The following BRF1 variants were observed in gnomAD, a reference collection of about 807,000 sequenced individuals.
The protein encoded by BRF1 is transcription factor IIIB 90 kDa subunit.
A neutral mutation model predicts 81.7 loss-of-function variants in BRF1; 59 were observed. That is an observed-to-expected ratio of 0.72 (90% CI 0.59 to 0.90). The LOEUF (loss-of-function observed/expected upper bound fraction) is 0.90. Among genes scored for constraint, BRF1 ranks in the 40% least tolerant of loss-of-function variants. BRF1 has a pLI of 0.00. For synonymous variants in BRF1, 491 were observed against 395.6 expected (o/e 1.24, Z -2.86); for missense variants, 1,050 against 936.3 (o/e 1.12, Z -1.58).
At chr14:105,250,581 A>G in intron 5 of BRF1, 1 of 1,614,094 alleles carries the variant, frequency 6.2e-7, no homozygotes, top group Non-Finnish European at 8.5e-7. Context: ...CAGTGTGGAA[A>G]GGTGGCCTTC....
intron 1 of BRF1, among the ~76,000 whole-genome samples, chr14:105,313,048 AG>A (rs2058390038): frequency 6.6e-6 from 1 of 152,116 alleles, no homozygotes; most frequent in Admixed American, 6.5e-5. Context: ...GGCACAGAGG[AG>A]GGGCACCGCT....
At chr14:105,227,575 A>T (rs1490754930) in intron 7 of BRF1, 1 of 152,300 alleles carries the variant, frequency 6.6e-6, no homozygotes, top group Non-Finnish European at 1.5e-5. Flanking sequence ...ACCTCTGCTC[A>T]CTAGGAGAAA....
intron 5 of BRF1, chr14:105,248,819 G>A: frequency 2.0e-6 from 2 of 986,426 alleles, no homozygotes; most frequent in African/African-American, 3.5e-5. Flanking sequence ...CGAGGGCGCG[G>A]GGCGCGGCGT....
At chr14:105,227,569 C>T (rs1472641045) in intron 7 of BRF1, 1 of 152,378 alleles carries the variant, frequency 6.6e-6, no homozygotes, top group African/African-American at 2.4e-5. Context: ...GCCCGGACCT[C>T]TGCTCACTAG....
chr14:105,246,362 T>C lies in BRF1; in HGVS notation c.545-4948A>G, dbSNP rs587752680. Among the ~76,000 whole-genome samples, 3 of 152,078 alleles carry C rather than the reference T, an allele frequency of 2.0e-5. No homozygotes were observed. The South Asian group carries it at 6.2e-4, about 32-fold the overall frequency. On this transcript the variant is annotated intron_variant, in intron 5 of 17. Transcript: ENST00000547530. ...CCACATGACACTACCTCATGTCCAT[T>C]AGGATGACCATTATCACAAACAAAA... is the stretch of plus-strand genomic sequence containing the variant.
At chr14:105,217,444 T>C in intron 15 of BRF1, 100 bp downstream of exon 15, 1 of 1,535,234 alleles carries the variant, frequency 6.5e-7, no homozygotes, top group South Asian at 1.3e-5. Context: ...GGCACTTCTG[T>C]GGCCCCGGCT....
intron 4 of BRF1, among the ~76,000 whole-genome samples, chr14:105,254,504 G>A (rs907153572): frequency 7.9e-5 from 12 of 152,070 alleles, no homozygotes; most frequent in South Asian, 4.1e-4. Flanking sequence ...TGATCTGCCC[G>A]CCTCGGCCTC....
At chr14:105,274,737 G>A (rs988194945) in intron 2 of BRF1, among the ~76,000 whole-genome samples, 1 of 152,208 alleles carries the variant, frequency 6.6e-6, no homozygotes, top group African/African-American at 2.4e-5. Flanking sequence ...CACAGGCTGT[G>A]TGGGGAGCAC....
intron 5 of BRF1, among the ~76,000 whole-genome samples, chr14:105,245,817 C>G (rs1190901488): frequency 6.6e-6 from 1 of 152,098 alleles, no homozygotes; most frequent in Non-Finnish European, 1.5e-5. Context: ...ACTGTAAAAC[C>G]CTTAGAAGAA....
At chr14:105,248,496 C>A (rs1262587980) in intron 5 of BRF1, 2 of 973,300 alleles carry the variant, frequency 2.1e-6, no homozygotes, top group Non-Finnish European at 2.4e-6. Flanking sequence ...GGGGCGGGGC[C>A]GCGAGGCAGC....
chr14:105,229,344 G>A (rs1458671890), intron 6 of BRF1, among the ~76,000 whole-genome samples: 3 of 152,228 alleles, frequency 2.0e-5, no homozygotes, highest in Non-Finnish European at 2.9e-5. Context: ...AGAACCTCCA[G>A]TGCAAACATG....
intron 7 of BRF1, chr14:105,227,060 G>A (rs117462741): frequency 0.019 from 6,498 of 342,826 alleles, 93 homozygotes; most frequent in Middle Eastern, 0.03. Flanking sequence ...AGGCTGTAAC[G>A]AGCTGTGATA....
At chr14:105,211,643 G>A in intron 16 of BRF1, 1 of 360,394 alleles carries the variant, frequency 2.8e-6, no homozygotes, top group South Asian at 3.9e-5. Flanking sequence ...GGCCTGCCCT[G>A]ACCCCCAGAA....
At chr14:105,246,965 A>G in intron 5 of BRF1, 1 of 985,184 alleles carries the variant, frequency 1.0e-6, no homozygotes. Flanking sequence ...GCATTCCCCA[A>G]ATGGACCCAC....
At chr14:105,242,255 C>T (rs975487193) in intron 5 of BRF1, 2 of 152,192 alleles carry the variant, frequency 1.3e-5, no homozygotes, top group African/African-American at 4.8e-5. Context: ...ACCTCACATG[C>T]CCCAAAATAC....
chr14:105,247,287 C>T, intron 5 of BRF1: 6 of 985,472 alleles, frequency 6.1e-6, no homozygotes, highest in Non-Finnish European at 7.2e-6. Flanking sequence ...TACGCACCCA[C>T]CTGCAGCAGG....
rs913486620 is a variant in BRF1 at position 105,286,166 on chromosome 14, G to A, written c.265+130C>T. 5.8e-6 allele frequency: 6 copies of A among 1,036,452 alleles called. No homozygotes were observed. The Admixed American group carries it at 1.0e-4, about 18-fold the overall frequency. 64.2% of individuals were successfully genotyped at this position (1,036,452 alleles called of 1,614,324 possible). A position where few individuals can be genotyped will look rare whatever the true frequency, so the allele number is the denominator to read the frequency against. On this transcript the variant is annotated intron_variant, in intron 2 of 17. Coordinates refer to ENST00000547530, the MANE Select transcript of BRF1 (RefSeq NM_001519.4). ...TTCCTCCTGGAAAGCAGCCTGGGCT[G>A]GGCGTGCAGGGTGACGAGGAAGTGG... is the stretch of plus-strand genomic sequence containing the variant.
chr14:105,294,849 T>C (rs982979065), intron 1 of BRF1, among the ~76,000 whole-genome samples: 7 of 152,190 alleles, frequency 4.6e-5, no homozygotes, highest in African/African-American at 7.2e-5. Flanking sequence ...AGTGGACCAA[T>C]TCCTCAACAC....
chr14:105,257,807 T>C (rs905852181), intron 3 of BRF1, among the ~76,000 whole-genome samples: 2 of 152,040 alleles, frequency 1.3e-5, no homozygotes, highest in African/African-American at 4.8e-5. Flanking sequence ...GGCTACACCC[T>C]GTGTGACTCC....
Sources: gnomAD v4.1 joint callset for allele counts (sites outside exome capture counted in the v4.1 genomes callset) on GRCh38, gnomAD v4.1.1 for gene constraint, MANE v1.5 for transcripts, NCBI Gene and HGNC (gene_info 2026-07-23, HGNC 2026-07-21) for gene names.